Variants in CGA observed in about 807,000 individuals in gnomAD.
CGA encodes the protein glycoprotein hormones, alpha polypeptide, also known as glycoprotein hormones alpha chain.
In CGA, 4 loss-of-function variants were observed where a neutral mutation model predicts 12.0. That is an observed-to-expected ratio of 0.33 (90% CI 0.16 to 0.76). The LOEUF (loss-of-function observed/expected upper bound fraction) is 0.76, where lower values mean the gene tolerates loss of function less well. Ranked by LOEUF, CGA falls within the 30% of genes least tolerant of loss-of-function variation. The pLI is 0.60. For synonymous variants in CGA, 60 were observed against 56.6 expected (o/e 1.06, Z -0.27); for missense variants, 102 against 143.5 (o/e 0.71, Z 1.48).
chr6:87,085,594 G>A lies in CGA; in HGVS notation c.*162C>T. On this transcript the variant is annotated 3_prime_UTR_variant, in exon 4 of 4. Coordinates refer to ENST00000627148, the MANE Select transcript of CGA (RefSeq NM_000735.4). Reference sequence around the variant, plus strand: ...AACTAGACTGCTGATTGTACTGTAGGATAAGGAGGAAGGCAGTAAAGCTGC... The same window carrying A: ...AACTAGACTGCTGATTGTACTGTAGAATAAGGAGGAAGGCAGTAAAGCTGC... 3.2e-6 allele frequency: 2 copies of A among 615,910 alleles called. No individual in the cohort carries two copies. The highest frequency in any genetic ancestry group is 3.9e-5 in the South Asian group (2 of 51,526). 38.2% of individuals were successfully genotyped at this position (615,910 alleles called of 1,614,324 possible).
chr6:87,087,950 A>T, intron 2 of CGA, 163 bp downstream of exon 2: 1 of 411,838 alleles, frequency 2.4e-6, no homozygotes, highest in East Asian at 3.6e-5. Context: ...TCTGAACCTA[A>T]TTTAATTTTA....
At chr6:87,086,063 T>A in intron 3 of CGA, 187 bp downstream of exon 3, 1 of 660,980 alleles carries the variant, frequency 1.5e-6, no homozygotes, top group African/African-American at 1.8e-5. Flanking sequence ...TCTGAATAAA[T>A]CCAGTCTATA....
chr6:87,091,646 A>G (rs1769434162), intron 1 of CGA, among the ~76,000 whole-genome samples: 1 of 152,146 alleles, frequency 6.6e-6, no homozygotes, highest in Non-Finnish European at 1.5e-5. Flanking sequence ...CCACCACATC[A>G]AGATAATATG....
At chr6:87,093,713 G>C (rs1464421177) in intron 1 of CGA, among the ~76,000 whole-genome samples, 1 of 152,156 alleles carries the variant, frequency 6.6e-6, no homozygotes, top group Non-Finnish European at 1.5e-5. Flanking sequence ...CTCTTACTTT[G>C]AGTTTTCATG....
chr6:87,090,083 GA>G (rs1259591959), intron 1 of CGA, among the ~76,000 whole-genome samples: 2 of 152,112 alleles, frequency 1.3e-5, no homozygotes, highest in Non-Finnish European at 2.9e-5. Flanking sequence ...GTGTAAGTAT[GA>G]AGGCTAAAAC....
intron 3 of CGA, 27 bp from the exon 4 acceptor site, chr6:87,085,860 T>TTA (rs1457779873): frequency 1.4e-6 from 2 of 1,451,494 alleles, no homozygotes; most frequent in African/African-American, 2.8e-5. Context: ...AAAAAACATA[T>TTA]TATAGATTAG....
At chr6:87,094,360 A>C (rs1323692533) in intron 1 of CGA, among the ~76,000 whole-genome samples, 1 of 152,206 alleles carries the variant, frequency 6.6e-6, no homozygotes, top group Admixed American at 6.5e-5. Context: ...AGCTGCAAAA[A>C]AGTTTCCAGA....
chr6:87,092,742 CTT>C (rs35436814), intron 1 of CGA, among the ~76,000 whole-genome samples: 5,354 of 78,064 alleles, frequency 0.069, 81 homozygotes, highest in African/African-American at 0.097. Flanking sequence ...CATTAGCTTT[CTT>C]TTTTTTTTTT....
chr6:87,093,423 G>C (rs1430450626), intron 1 of CGA, among the ~76,000 whole-genome samples: 1 of 152,130 alleles, frequency 6.6e-6, no homozygotes, highest in Non-Finnish European at 1.5e-5. Context: ...CTCTAAGCCT[G>C]GTGAACCAAG....
At chr6:87,087,769 A>G (rs192382535) in intron 2 of CGA, 1 of 164,824 alleles carries the variant, frequency 6.1e-6, no homozygotes, top group Admixed American at 6.4e-5. Context: ...CTACAAAGGC[A>G]ATGTTAAAAT....
chr6:87,090,464 C>G (rs1317679677), intron 1 of CGA, among the ~76,000 whole-genome samples: 1 of 151,786 alleles, frequency 6.6e-6, no homozygotes, highest in Non-Finnish European at 1.5e-5. Flanking sequence ...CCACTCATCA[C>G]TAATTTTTTT....
At chr6:87,092,289 C>A (rs550101396) in intron 1 of CGA, among the ~76,000 whole-genome samples, 1 of 152,242 alleles carries the variant, frequency 6.6e-6, no homozygotes, top group East Asian at 1.9e-4. Flanking sequence ...TATCTTTGTA[C>A]CCCATTTCAT....
Position 87,085,822 on chromosome 6 carries a change from C to T in CGA, c.285G>A (p.Met95Ile), listed in dbSNP as rs763639075. 6.2e-6 allele frequency: 10 copies of T among 1,607,382 alleles called. No homozygotes were observed. Among genetic ancestry groups the T allele is most frequent in the Non-Finnish European group, 8.5e-6 (10 of 1,174,418 alleles). The change falls in exon 4 of 4, where the codon ATG becomes ATA. Residue 95 changes from methionine (M) to isoleucine (I), a missense_variant. Transcript: ENST00000627148. Reference sequence around the variant, plus strand: ...TGTGGTTCTCCACTTTGAAACCCCCCATTACTGTGACCTAAAGGGGAAGGA... The same window carrying T: ...TGTGGTTCTCCACTTTGAAACCCCCTATTACTGTGACCTAAAGGGGAAGGA... ...VAKSYNRVTV[M>I]GGFKVENHTA...
At chr6:87,091,593 A>G (rs1769432289) in intron 1 of CGA, among the ~76,000 whole-genome samples, 1 of 152,168 alleles carries the variant, frequency 6.6e-6, no homozygotes, top group Non-Finnish European at 1.5e-5. Flanking sequence ...ACAACCTCAG[A>G]CTAACCTGCA....
At chr6:87,094,275 A>G (rs940867409) in intron 1 of CGA, among the ~76,000 whole-genome samples, 3 of 152,222 alleles carry the variant, frequency 2.0e-5, no homozygotes, top group African/African-American at 4.8e-5. Context: ...GGAGGGACAA[A>G]AAAGGTCTTT....
intron 2 of CGA, 151 bp from the exon 3 acceptor site, chr6:87,086,585 T>C: frequency 1.6e-6 from 1 of 644,180 alleles, no homozygotes; most frequent in Non-Finnish European, 2.6e-6. Context: ...GAGAGCAGCC[T>C]GGGCAACATG....
chr6:87,092,612 AAGAG>A (rs1292121540), intron 1 of CGA, among the ~76,000 whole-genome samples: 4 of 151,972 alleles, frequency 2.6e-5, no homozygotes, highest in South Asian at 2.1e-4. Flanking sequence ...AAAAGAAAGA[AAGAG>A]AGAGAGAAAA....
At chr6:87,093,721 A>T (rs1769483019) in intron 1 of CGA, among the ~76,000 whole-genome samples, 1 of 152,216 alleles carries the variant, frequency 6.6e-6, no homozygotes, top group Admixed American at 6.5e-5. Context: ...TTGAGTTTTC[A>T]TGTAAATTTG....
chr6:87,092,622 G>A (rs1032575458), intron 1 of CGA, among the ~76,000 whole-genome samples: 7 of 148,946 alleles, frequency 4.7e-5, no homozygotes, highest in African/African-American at 1.5e-4. Context: ...AAGAGAGAGA[G>A]AAAAGAAAAA....
Sources: allele counts gnomAD v4.1 joint callset (sites outside exome capture counted in the v4.1 genomes callset), GRCh38; gene constraint gnomAD v4.1.1; transcripts MANE v1.5; gene names NCBI Gene and HGNC (gene_info 2026-07-23, HGNC 2026-07-21).